The following G3BP2 variants were observed in gnomAD, a reference collection of about 807,000 sequenced individuals.
G3BP2 encodes the protein G3BP stress granule assembly factor 2.
A neutral mutation model predicts 56.7 loss-of-function variants in G3BP2; 11 were observed. The observed-to-expected ratio is 0.19, with a 90% CI of 0.12 to 0.32. The LOEUF is 0.32. Among genes scored for constraint, G3BP2 ranks in the 10% least tolerant of loss-of-function variants. The pLI is 1.00. For synonymous variants in G3BP2, 165 were observed against 191.6 expected (o/e 0.86, Z 1.15); for missense variants, 340 against 610.9 (o/e 0.56, Z 4.67).
At chr4:75,648,883 AAAAAT>A in intron 8 of G3BP2, 142 bp from the exon 9 acceptor site, 1 of 544,814 alleles carries the variant, frequency 1.8e-6, no homozygotes. Context: ...TATGTATGAG[AAAAAT>A]AAATTTTTAT....
chr4:75,723,896 T>A (rs1168082257), intron 1 of G3BP2, among the ~76,000 whole-genome samples: 1 of 127,896 alleles, frequency 7.8e-6, no homozygotes, highest in Non-Finnish European at 1.6e-5. Context: ...CAATTTTTCA[T>A]GTTAAAAAAA....
intron 3 of G3BP2, among the ~76,000 whole-genome samples, chr4:75,696,976 C>G (rs1719143837): frequency 6.6e-6 from 1 of 151,914 alleles, no homozygotes; most frequent in Non-Finnish European, 1.5e-5. Flanking sequence ...TATTTTCATC[C>G]CCTTTAAAAA....
chr4:75,672,643 G>A (rs920605683), intron 1 of G3BP2: 1 of 152,206 alleles, frequency 6.6e-6, no homozygotes, highest in African/African-American at 2.4e-5. Flanking sequence ...TCCGTGCACA[G>A]AAATGGTGCC....
At chr4:75,694,271 C>G (rs1719003554) in intron 3 of G3BP2, among the ~76,000 whole-genome samples, 1 of 152,152 alleles carries the variant, frequency 6.6e-6, no homozygotes, top group Admixed American at 6.5e-5. Context: ...CCTGAAGGTA[C>G]TTTCCCATGC....
At chr4:75,708,875 C>T (rs1719647528) in intron 3 of G3BP2, among the ~76,000 whole-genome samples, 1 of 152,186 alleles carries the variant, frequency 6.6e-6, no homozygotes, top group African/African-American at 2.4e-5. Context: ...CTTTGGGAAG[C>T]CAAGGCAGGA....
At chr4:75,695,140 A>G (rs1219843250) in intron 3 of G3BP2, among the ~76,000 whole-genome samples, 3 of 152,172 alleles carry the variant, frequency 2.0e-5, no homozygotes, top group African/African-American at 7.2e-5. Flanking sequence ...TCAACATTTC[A>G]GGGCCTAAAC....
At chr4:75,656,484 T>A (rs1324811653) in intron 5 of G3BP2, among the ~76,000 whole-genome samples, 1 of 152,058 alleles carries the variant, frequency 6.6e-6, no homozygotes, top group Non-Finnish European at 1.5e-5. Flanking sequence ...AATAGAGCAA[T>A]AATGATAAAG....
chr4:75,698,406 C>A (rs1446781951), intron 3 of G3BP2, among the ~76,000 whole-genome samples: 1 of 152,148 alleles, frequency 6.6e-6, no homozygotes, highest in African/African-American at 2.4e-5. Context: ...AAGGAAGCAG[C>A]CCTGCTGACA....
chr4:75,671,300 C>A (rs1037111207), intron 1 of G3BP2, among the ~76,000 whole-genome samples: 2 of 152,124 alleles, frequency 1.3e-5, no homozygotes, highest in Non-Finnish European at 2.9e-5. Context: ...TGTGGAAAGT[C>A]TTTTTAAAGC....
At chr4:75,672,475 A>G (rs778865936) in intron 1 of G3BP2, 4 of 152,246 alleles carry the variant, frequency 2.6e-5, no homozygotes, top group Non-Finnish European at 5.9e-5. Flanking sequence ...GATCGTCTGC[A>G]TAAGAGGGGG....
chr4:75,697,882 C>T (rs1719186869), intron 3 of G3BP2, among the ~76,000 whole-genome samples: 1 of 152,138 alleles, frequency 6.6e-6, no homozygotes, highest in Non-Finnish European at 1.5e-5. Context: ...TTCAGTGAGC[C>T]AAGATCGTGC....
At chr4:75,666,165 A>G (rs1435953475) in intron 1 of G3BP2, among the ~76,000 whole-genome samples, 2 of 152,250 alleles carry the variant, frequency 1.3e-5, no homozygotes, top group Non-Finnish European at 1.5e-5. Flanking sequence ...CAAATTGCCC[A>G]CTATCTACAT....
chr4:75,686,240 A>G (rs879431619), intron 3 of G3BP2, among the ~76,000 whole-genome samples: 5 of 152,234 alleles, frequency 3.3e-5, no homozygotes, highest in Admixed American at 1.3e-4. Context: ...CCAGTAAAAG[A>G]AAAACAAAAA....
intron 3 of G3BP2, among the ~76,000 whole-genome samples, chr4:75,704,702 G>C (rs1368065990): frequency 6.6e-6 from 1 of 151,916 alleles, no homozygotes; most frequent in African/African-American, 2.4e-5. Flanking sequence ...GCGCAATCTC[G>C]GCTAACGGCA....
At chr4:75,671,268 G>C (rs1578412350) in intron 1 of G3BP2, among the ~76,000 whole-genome samples, 1 of 152,146 alleles carries the variant, frequency 6.6e-6, no homozygotes, top group East Asian at 1.9e-4. Flanking sequence ...GTCATTCACT[G>C]TCTCCATATT....
In G3BP2 at chr4:75,655,120, T is replaced by C. The variant is rs145010017; in HGVS notation, c.672A>G (p.Lys224=). 6.2e-7 allele frequency: 1 copy of C among 1,612,526 alleles called. No homozygotes were observed. The highest frequency in any genetic ancestry group is 8.5e-7 in the Non-Finnish European group (1 of 1,178,740). ...GTTCTGCCGGAGGAGGAGTAGTAGA[T>C]TTCTCCTCTAGTTCTTCTAAGTTCT... The part of the protein sequence containing the change: ...EEKNLEELEE[K]STTPPPAEPV... The change falls in exon 7 of 12, where the codon AAA becomes AAG. Residue 224 remains lysine (K), a synonymous_variant. Coordinates refer to ENST00000359707, the MANE Select transcript of G3BP2 (RefSeq NM_203505.3).
chr4:75,665,406 A>G (rs886691320), intron 1 of G3BP2, among the ~76,000 whole-genome samples: 4 of 152,220 alleles, frequency 2.6e-5, no homozygotes, highest in African/African-American at 9.6e-5. Context: ...AAAACTCCCA[A>G]TAAGGGTAAC....
rs1733604180 is a variant in G3BP2 at position 75,672,881 on chromosome 4, G to A, written c.-25+327C>T. On this transcript the variant is annotated intron_variant, in intron 1 of 11. Transcript: ENST00000359707. The stretch of plus-strand genomic sequence containing the variant: ...ATTAAGCTTCCATCAGCGCGCCTTC[G>A]GGAGCTGCTGCGTGCCTCCCCCCCC... 1.0e-5 allele frequency: 4 copies of A among 394,522 alleles called. No homozygotes were observed. The South Asian group carries it at 4.2e-4, about 41-fold the overall frequency. The allele number at this position is 394,522 out of a possible 1,614,324, so 24.4% of individuals were successfully genotyped here. A position where few individuals can be genotyped will look rare whatever the true frequency, so the allele number is the denominator to read the frequency against.
At position 75,643,455 on chromosome 4, in the gene G3BP2, G is replaced by A. The variant is rs1340097707; in HGVS notation, c.*1975C>T. The A allele has an allele frequency of 2.0e-5, 3 of 147,972 alleles. No individual in the cohort carries two copies. The highest frequency in any genetic ancestry group is 7.5e-5 in the African/African-American group (3 of 39,874). The allele number at this position is 147,972 out of a possible 1,614,324, so 9.2% of individuals were successfully genotyped here. A position where few individuals can be genotyped will look rare whatever the true frequency, so the allele number is the denominator to read the frequency against. On this transcript the variant is annotated 3_prime_UTR_variant, in exon 12 of 12. Transcript: ENST00000359707. The stretch of plus-strand genomic sequence containing the variant: ...GGTAAGAATTTCAAGTACTATATCA[G>A]AAAGTATAAAACTGTTTCAAACAGA...
Sources: allele counts gnomAD v4.1 joint callset (sites outside exome capture counted in the v4.1 genomes callset), GRCh38; gene constraint gnomAD v4.1.1; transcripts MANE v1.5; gene names NCBI Gene and HGNC (gene_info 2026-07-23, HGNC 2026-07-21).